The following HCLS1 variants were observed in gnomAD, a reference collection of about 807,000 sequenced individuals.
HCLS1 encodes hematopoietic lineage cell-specific protein.
A neutral mutation model predicts 68.6 loss-of-function variants in HCLS1; 44 were observed. The observed-to-expected ratio is 0.64, with a 90% confidence interval of 0.50 to 0.82. The LOEUF (loss-of-function observed/expected upper bound fraction) is 0.82, where lower values mean the gene tolerates loss of function less well. Among genes scored for constraint, HCLS1 ranks in the 40% least tolerant of loss-of-function variants. The pLI, the probability that HCLS1 is intolerant of heterozygous loss-of-function variation, is 0.00. For synonymous variants in HCLS1, 217 were observed against 225.8 expected (o/e 0.96, Z 0.35); for missense variants, 602 against 612.1 (o/e 0.98, Z 0.17).
In HCLS1 at chr3:121,632,115, T is replaced by C. The variant is rs1180274573; in HGVS notation, c.1310A>G (p.Tyr437Cys). The change falls in exon 13 of 14, where the codon TAT (tyrosine) becomes TGT (cysteine). Residue 437 changes from tyrosine to cysteine, a missense_variant. By Grantham distance (194) the Tyr-to-Cys change is radical. Coordinates refer to ENST00000314583, the MANE Select transcript of HCLS1 (RefSeq NM_005335.6). ...TCCCAACCTACCTCCTTGGTAATCA[T>C]ATACAGCCACAGCTGAGATCCCCAG... Reference protein sequence around the residue: ...VALGISAVAVYDYQGEGSDEL... With the variant: ...VALGISAVAVCDYQGEGSDEL... 5.6e-6 allele frequency: 9 copies of C among 1,613,890 alleles called. No individual in the cohort carries two copies. The highest frequency in any genetic ancestry group is 2.2e-5 in the East Asian group (1 of 44,886).
chr3:121,659,681 C>A (rs1414569571), intron 1 of HCLS1, among the ~76,000 whole-genome samples: 1 of 152,156 alleles, frequency 6.6e-6, no homozygotes, highest in Admixed American at 6.5e-5. Flanking sequence ...TTCCCTGATG[C>A]GGTTGGAGAC....
At chr3:121,637,864 G>T (rs2049164596) in intron 6 of HCLS1, among the ~76,000 whole-genome samples, 1 of 151,914 alleles carries the variant, frequency 6.6e-6, no homozygotes, top group Non-Finnish European at 1.5e-5. Flanking sequence ...TGAACATGGG[G>T]GGTGGAGGTT....
intron 4 of HCLS1, among the ~76,000 whole-genome samples, chr3:121,645,977 CAT>C (rs1355448777): frequency 1.5e-5 from 2 of 129,976 alleles, no homozygotes; most frequent in East Asian, 4.3e-4. Context: ...AATTATGTAA[CAT>C]ATATTAATAA....
At chr3:121,636,282 A>T (rs1257809509) in intron 8 of HCLS1, 152 bp downstream of exon 8, 1 of 659,744 alleles carries the variant, frequency 1.5e-6, no homozygotes, top group Non-Finnish European at 2.7e-6. Flanking sequence ...TGCTGAGGGC[A>T]GTCAGTGGGG....
rs2049104272 is a variant in HCLS1, at chr3:121,632,184, C to T, written c.1241G>A (p.Gly414Glu). 1 of 1,613,894 alleles carries T rather than the reference C, an allele frequency of 6.2e-7. No individual in the cohort carries two copies. Among genetic ancestry groups the T allele is most frequent in the East Asian group, 2.2e-5 (1 of 44,872 alleles). ...EDSSFSSALA[G>E]SSGCPAGAGA... The stretch of plus-strand genomic sequence containing the variant: ...AGCCCCAGCCGGGCAGCCTGATGAT[C>T]CTGCATAATGAGAAACACAAACATG... The change falls in exon 13 of 14, where the codon GGA becomes GAA. Residue 414 changes from glycine (G) to glutamate (E), a missense_variant and splice_region_variant. Coordinates refer to ENST00000314583, the MANE Select transcript of HCLS1 (RefSeq NM_005335.6).
At position 121,643,035 on chromosome 3, in the gene HCLS1, C is replaced by T. The variant is rs1161699941; in HGVS notation, c.400-54G>A. On this transcript the variant is annotated intron_variant, in intron 5 of 13. Coordinates refer to ENST00000314583, the MANE Select transcript of HCLS1 (RefSeq NM_005335.6). ...AGAGTCAGAGCTGACAGGTTTTCCT[C>T]TTCCTAACCTCCCCTTACTCCCAGC... 2.8e-6 allele frequency: 4 copies of T among 1,440,450 alleles called. No homozygotes were observed. In the African/African-American group the frequency reaches 5.6e-5, roughly 20 times the overall value. 89.2% of individuals were successfully genotyped at this position (1,440,450 alleles called of 1,614,324 possible).
At chr3:121,645,149 T>A (rs1032900991) in intron 4 of HCLS1, among the ~76,000 whole-genome samples, 19 of 152,278 alleles carry the variant, frequency 1.2e-4, no homozygotes, top group Non-Finnish European at 7.4e-5. Flanking sequence ...GAATCCTTCA[T>A]TCTGAACACT....
At chr3:121,634,102 C>G (rs987131467) in intron 10 of HCLS1, 105 bp downstream of exon 10, 1 of 1,565,632 alleles carries the variant, frequency 6.4e-7, no homozygotes, top group Non-Finnish European at 8.6e-7. Flanking sequence ...CCTTGCCTAA[C>G]CCAGGGGAGG....
chr3:121,652,318 A>T (rs1576219956), intron 3 of HCLS1, among the ~76,000 whole-genome samples: 1 of 152,156 alleles, frequency 6.6e-6, no homozygotes, highest in Admixed American at 6.6e-5. Flanking sequence ...ATATAGTCAA[A>T]ACTCATTGAA....
At chr3:121,658,987 T>C (rs963189282) in intron 1 of HCLS1, among the ~76,000 whole-genome samples, 4 of 152,238 alleles carry the variant, frequency 2.6e-5, no homozygotes, top group Non-Finnish European at 5.9e-5. Flanking sequence ...GAGCATTATT[T>C]GCTGGGAATA....
intron 3 of HCLS1, among the ~76,000 whole-genome samples, chr3:121,649,541 G>A (rs767319336): frequency 6.6e-6 from 1 of 152,040 alleles, no homozygotes; most frequent in Non-Finnish European, 1.5e-5. Context: ...GGCCTAAACA[G>A]GTCTTAATCA....
chr3:121,631,783 G>C lies in HCLS1; in HGVS notation c.*63C>G, dbSNP rs779858265. Reference sequence around the variant, plus strand: ...AGACATTTGCAGCAGGAATAGGGAGGGGGTGGAGGCAGAGCCACTTTGGAC... The same window carrying C: ...AGACATTTGCAGCAGGAATAGGGAGCGGGTGGAGGCAGAGCCACTTTGGAC... On this transcript the variant is annotated 3_prime_UTR_variant, in exon 14 of 14. Transcript: ENST00000314583. 1.7e-4 allele frequency: 266 copies of C among 1,565,264 alleles called. No homozygotes were observed. The highest frequency in any genetic ancestry group is 2.1e-4 in the Non-Finnish European group (245 of 1,139,666).
rs770067402 is a variant in HCLS1, at chr3:121,635,744, T to C, written c.682A>G (p.Ile228Val). 2 of 1,613,864 alleles carry C rather than the reference T, an allele frequency of 1.2e-6. No homozygotes were observed. The highest frequency in any genetic ancestry group is 2.2e-5 in the South Asian group (2 of 91,064). The change falls in exon 9 of 14, where the codon ATA becomes GTA. Residue 228 changes from isoleucine (I) to valine (V), a missense_variant. Coordinates refer to ENST00000314583, the MANE Select transcript of HCLS1 (RefSeq NM_005335.6). ...AATCACTAAGCCTCACCGGCTTCTA[T>C]GGGCGTCGTCTTCTTATAAGCTGTG... ...PTTAYKKTTP[I>V]EAASSGTRGL...
chr3:121,642,242 G>A (rs1041533332), intron 6 of HCLS1, among the ~76,000 whole-genome samples: 8 of 148,580 alleles, frequency 5.4e-5, no homozygotes, highest in African/African-American at 1.7e-4. Context: ...GGTGGATCAC[G>A]AGGTCAGGAG....
Position 121,631,947 on chromosome 3 carries a change from C to T in HCLS1, c.1360G>A (p.Val454Ile), listed in dbSNP as rs1465958929. 37 of 1,614,068 alleles carry T rather than the reference C, an allele frequency of 2.3e-5. No homozygotes were observed. Among genetic ancestry groups the T allele is most frequent in the Admixed American group, 3.3e-5 (2 of 60,004 alleles). The part of the protein sequence containing the change: ...SDELSFDPDD[V>I]ITDIEMVDEG... ...TCCACCATCTCAATGTCAGTGATTACGTCGTCCGGATCAAAGGAAAGCTCA... is the reference window on the plus strand; with the variant it reads ...TCCACCATCTCAATGTCAGTGATTATGTCGTCCGGATCAAAGGAAAGCTCA... Residue 454 changes from valine to isoleucine, a missense_variant, in exon 14 of 14, where the codon GTA becomes ATA. Val to Ile is a conservative substitution (Grantham distance 29). Coordinates refer to ENST00000314583, the MANE Select transcript of HCLS1 (RefSeq NM_005335.6).
intron 1 of HCLS1, among the ~76,000 whole-genome samples, chr3:121,659,003 G>T (rs141768077): frequency 3.7e-4 from 56 of 152,244 alleles, no homozygotes; most frequent in Admixed American, 2.1e-3. Flanking sequence ...GAATAAGTCA[G>T]TTATTACTCA....
At chr3:121,660,573 A>G (rs1283354851) in intron 1 of HCLS1, among the ~76,000 whole-genome samples, 1 of 152,204 alleles carries the variant, frequency 6.6e-6, no homozygotes, top group Non-Finnish European at 1.5e-5. Context: ...GAAACCAGGC[A>G]ACACTTTGCT....
At chr3:121,650,910 G>C (rs977497353) in intron 3 of HCLS1, among the ~76,000 whole-genome samples, 1 of 152,094 alleles carries the variant, frequency 6.6e-6, no homozygotes, top group Non-Finnish European at 1.5e-5. Flanking sequence ...GGTCAAGGCG[G>C]GTGGATCACA....
At position 121,634,433 on chromosome 3, in the gene HCLS1, A is replaced by G. The variant is rs377507551; in HGVS notation, c.692-15T>C. 5.2e-4 allele frequency: 836 copies of G among 1,612,998 alleles called. 1 individual carries two copies. Among genetic ancestry groups the G allele is most frequent in the Non-Finnish European group, 6.8e-4 (801 of 1,179,170 alleles). ...ACCACTAGAAGCTGCAGACACAGGCAAGAAAAATTAGGGTTGTCTTGGATT... is the reference window on the plus strand; with the variant it reads ...ACCACTAGAAGCTGCAGACACAGGCGAGAAAAATTAGGGTTGTCTTGGATT... On this transcript the variant is annotated splice_polypyrimidine_tract_variant and intron_variant, in intron 9 of 13. Transcript: ENST00000314583.
Sources: allele counts gnomAD v4.1 joint callset (sites outside exome capture counted in the v4.1 genomes callset), GRCh38; gene constraint gnomAD v4.1.1; transcripts MANE v1.5; gene names NCBI Gene and HGNC (gene_info 2026-07-23, HGNC 2026-07-21).